The following SLC4A10 variants were observed in gnomAD, a reference collection of about 807,000 sequenced individuals.
SLC4A10 encodes solute carrier family 4 member 10, also known as sodium-driven chloride bicarbonate exchanger.
In SLC4A10, 42 loss-of-function variants were observed where a neutral mutation model predicts 137.7. The observed-to-expected ratio is 0.30, with a 90% CI of 0.24 to 0.39. The LOEUF is 0.39. Among genes scored for constraint, SLC4A10 ranks in the 10% least tolerant of loss-of-function variants. The probability of loss-of-function intolerance (pLI) is 1.00; values close to 1 mark genes in which losing one functional copy is unlikely to be tolerated. For synonymous variants in SLC4A10, 474 were observed against 464.1 expected, an observed-to-expected ratio of 1.02 and a Z score of -0.27; for missense variants, 925 against 1,355.0, an observed-to-expected ratio of 0.68 and a Z score of 4.98.
At chr2:161,862,590 A>T (rs1477639230) in intron 5 of SLC4A10, among the ~76,000 whole-genome samples, 1 of 152,194 alleles carries the variant, frequency 6.6e-6, no homozygotes, top group Non-Finnish European at 1.5e-5. Flanking sequence ...CTTTCTTCTC[A>T]ATGCAACTAT....
intron 15 of SLC4A10, among the ~76,000 whole-genome samples, chr2:161,907,734 A>T (rs1684790487): frequency 6.6e-6 from 1 of 152,230 alleles, no homozygotes; most frequent in Non-Finnish European, 1.5e-5. Flanking sequence ...GTCAAAGGGC[A>T]TTCACAGGAC....
intron 15 of SLC4A10, among the ~76,000 whole-genome samples, chr2:161,913,197 G>A (rs1686275911): frequency 6.6e-6 from 1 of 152,102 alleles, no homozygotes; most frequent in Admixed American, 6.6e-5. Context: ...TAATTTACCT[G>A]TAGTCTGTGA....
chr2:161,915,143 C>G (rs537284736), intron 15 of SLC4A10, among the ~76,000 whole-genome samples: 1 of 152,224 alleles, frequency 6.6e-6, no homozygotes, highest in African/African-American at 2.4e-5. Flanking sequence ...CAGGGAGAGG[C>G]AACTTGACTT....
At chr2:161,894,545 T>C (rs2105215920) in intron 10 of SLC4A10, 134 bp from the exon 11 acceptor site, 2 of 365,228 alleles carry the variant, frequency 5.5e-6, no homozygotes, top group Non-Finnish European at 4.6e-6. Context: ...AACATAAACT[T>C]CTTTAGAGTC....
chr2:161,812,027 A>T (rs2125639155), intron 3 of SLC4A10, among the ~76,000 whole-genome samples: 1 of 152,184 alleles, frequency 6.6e-6, no homozygotes, highest in Admixed American at 6.6e-5. Flanking sequence ...ACTTTTAAAT[A>T]TCTCTCCATA....
intron 3 of SLC4A10, among the ~76,000 whole-genome samples, chr2:161,815,643 TA>T (rs529138146): frequency 2.6e-3 from 398 of 152,224 alleles, no homozygotes; most frequent in African/African-American, 9.1e-3. Context: ...TGAGAAGCTT[TA>T]AAAAAATTAT....
At chr2:161,818,832 T>C (rs2057356703) in intron 3 of SLC4A10, among the ~76,000 whole-genome samples, 1 of 152,224 alleles carries the variant, frequency 6.6e-6, no homozygotes, top group Admixed American at 6.5e-5. Flanking sequence ...TGAAGGCCAC[T>C]TGATCATGGT....
At chr2:161,693,483 C>A (rs2042194017) in intron 1 of SLC4A10, among the ~76,000 whole-genome samples, 1 of 152,040 alleles carries the variant, frequency 6.6e-6, no homozygotes, top group Non-Finnish European at 1.5e-5. Flanking sequence ...AGATCTCATC[C>A]AGCAAAGATT....
intron 4 of SLC4A10, among the ~76,000 whole-genome samples, chr2:161,844,421 G>A (rs767479830): frequency 1.3e-5 from 2 of 152,030 alleles, no homozygotes; most frequent in Non-Finnish European, 2.9e-5. Context: ...CCCTTAAGAT[G>A]ACTATAGGTA....
intron 1 of SLC4A10, among the ~76,000 whole-genome samples, chr2:161,662,402 A>T (rs1248632582): frequency 2.6e-5 from 4 of 151,858 alleles, no homozygotes; most frequent in Admixed American, 6.6e-5. Flanking sequence ...ATTTTTTTTT[A>T]AAAACTGTCT....
chr2:161,664,201 G>A (rs894535737), intron 1 of SLC4A10, among the ~76,000 whole-genome samples: 1 of 151,896 alleles, frequency 6.6e-6, no homozygotes, highest in Non-Finnish European at 1.5e-5. Flanking sequence ...TAAAATGAAT[G>A]AGAGTTTTGG....
intron 15 of SLC4A10, among the ~76,000 whole-genome samples, chr2:161,910,086 A>G (rs1489268607): frequency 2.6e-5 from 4 of 152,288 alleles, no homozygotes; most frequent in Non-Finnish European, 5.9e-5. Context: ...TAATGTGCAT[A>G]TTTGTTTGGG....
At chr2:161,652,161 A>G (rs1172943794) in intron 1 of SLC4A10, among the ~76,000 whole-genome samples, 8 of 152,220 alleles carry the variant, frequency 5.3e-5, no homozygotes. Flanking sequence ...ACCTCCAGGA[A>G]GAGAGGAGGT....
intron 25 of SLC4A10, among the ~76,000 whole-genome samples, 190 bp from the exon 26 acceptor site, chr2:161,977,532 C>G (rs767479695): frequency 6.6e-6 from 1 of 152,114 alleles, no homozygotes; most frequent in Non-Finnish European, 1.5e-5. Flanking sequence ...AATAAGAGTT[C>G]AAGTCACCCA....
At chr2:161,653,071 A>T (rs2037028002) in intron 1 of SLC4A10, among the ~76,000 whole-genome samples, 1 of 151,944 alleles carries the variant, frequency 6.6e-6, no homozygotes, top group African/African-American at 2.4e-5. Flanking sequence ...CTCATTGTTC[A>T]ACTCCCACTT....
intron 1 of SLC4A10, among the ~76,000 whole-genome samples, chr2:161,764,084 G>A (rs1042052516): frequency 1.3e-5 from 2 of 152,230 alleles, no homozygotes; most frequent in South Asian, 2.1e-4. Context: ...AATTATAATA[G>A]TAAAAGAGTG....
intron 15 of SLC4A10, among the ~76,000 whole-genome samples, chr2:161,907,532 T>C (rs1684725704): frequency 6.6e-6 from 1 of 152,158 alleles, no homozygotes; most frequent in Admixed American, 6.5e-5. Flanking sequence ...TAGTAGGGAA[T>C]GTAGATAAAC....
chr2:161,784,237 A>C (rs1286410217), intron 2 of SLC4A10, among the ~76,000 whole-genome samples: 1 of 151,916 alleles, frequency 6.6e-6, no homozygotes, highest in East Asian at 1.9e-4. Flanking sequence ...AAACATATAA[A>C]GCAAACATTG....
At chr2:161,657,026 C>T (rs1315295651) in intron 1 of SLC4A10, among the ~76,000 whole-genome samples, 1 of 151,978 alleles carries the variant, frequency 6.6e-6, no homozygotes, top group African/African-American at 2.4e-5. Context: ...CAAGAGTTTT[C>T]TGAGGATTTC....
Sources: gnomAD v4.1 joint callset for allele counts (sites outside exome capture counted in the v4.1 genomes callset) on GRCh38, gnomAD v4.1.1 for gene constraint, MANE v1.5 for transcripts, NCBI Gene and HGNC (gene_info 2026-07-23, HGNC 2026-07-21) for gene names.